SVIP: variants seen among roughly 807,000 people sequenced by gnomAD.
SVIP encodes small VCP interacting protein.
A neutral mutation model predicts 12.9 loss-of-function variants in SVIP; 14 were observed. The observed-to-expected ratio is 1.08, with a 90% CI of 0.72 to 1.70. The LOEUF (loss-of-function observed/expected upper bound fraction) is 1.70. SVIP is among the 40% of genes most tolerant of loss of function. SVIP has a pLI of 0.00. For missense variants in SVIP, 93 were observed against 90.8 expected (o/e 1.02, Z -0.10); for synonymous variants, 35 against 33.3 (o/e 1.05, Z -0.17).
intron 3 of SVIP, among the ~76,000 whole-genome samples, chr11:22,825,178 C>T (rs1857648620): frequency 6.6e-6 from 1 of 151,884 alleles, no homozygotes; most frequent in South Asian, 2.1e-4. Context: ...CCTAACCTTC[C>T]TACCTTAGGA....
intron 1 of SVIP, among the ~76,000 whole-genome samples, chr11:22,828,954 T>C (rs1857835506): frequency 6.6e-6 from 1 of 152,198 alleles, no homozygotes; most frequent in African/African-American, 2.4e-5. Flanking sequence ...TGTACATGTA[T>C]TGTACCACAC....
rs576060736 is a variant in SVIP, at chr11:22,829,603, C to G, written c.54+92G>C. 5.2e-6 allele frequency: 7 copies of G among 1,342,608 alleles called. No individual in the cohort carries two copies. The East Asian group carries it at 7.8e-5, about 15-fold the overall frequency. The allele number at this position is 1,342,608 out of a possible 1,614,324, so 83.2% of individuals were successfully genotyped here. On this transcript the variant is annotated intron_variant, in intron 1 of 3. Transcript: ENST00000354193. ...GGTCCCCCAGCGGGCTCTCGACCTG[C>G]GCCACCAGGTACAATGGCTCGGCCC...
At chr11:22,824,240 A>C (rs1253074141) in intron 3 of SVIP, among the ~76,000 whole-genome samples, 2 of 152,110 alleles carry the variant, frequency 1.3e-5, no homozygotes. Flanking sequence ...GAAACCATTA[A>C]AAAATGGTTT....
intron 1 of SVIP, 69 bp downstream of exon 1, chr11:22,829,626 C>A (rs2286811): frequency 1.4e-6 from 2 of 1,481,014 alleles, no homozygotes; most frequent in East Asian, 2.5e-5. Context: ...AATGGCTCGG[C>A]CCGCCCCGCA....
At chr11:22,829,441 G>C (rs976009627) in intron 1 of SVIP, 1 of 416,688 alleles carries the variant, frequency 2.4e-6, no homozygotes, top group South Asian at 4.6e-5. Flanking sequence ...AAAGTCAGTG[G>C]AAGGTAGAAA....
intron 3 of SVIP, among the ~76,000 whole-genome samples, chr11:22,824,593 C>T (rs993932904): frequency 6.6e-6 from 1 of 151,598 alleles, no homozygotes; most frequent in Admixed American, 6.6e-5. Context: ...CTTCATTGTA[C>T]AATTTCTTAG....
chr11:22,827,984 G>T (rs2134768926), intron 1 of SVIP, 110 bp from the exon 2 acceptor site: 1 of 752,696 alleles, frequency 1.3e-6, no homozygotes, highest in Non-Finnish European at 1.9e-6. Context: ...TTCGGTACTG[G>T]CCCTAAATGT....
rs1455663147 is a variant in SVIP, at chr11:22,822,708, T to G, written c.*411A>C. ...CCATAAGTTTAATCAAACATCTTCATAGTGAAATAAAAACAGATGTAACGC... is the reference window on the plus strand; with the variant it reads ...CCATAAGTTTAATCAAACATCTTCAGAGTGAAATAAAAACAGATGTAACGC... On this transcript the variant is annotated 3_prime_UTR_variant, in exon 4 of 4. Coordinates refer to ENST00000354193, the MANE Select transcript of SVIP (RefSeq NM_148893.3). 1.9e-5 allele frequency: 3 copies of G among 158,098 alleles called. No individual in the cohort carries two copies. Among genetic ancestry groups the G allele is most frequent in the Non-Finnish European group, 2.8e-5 (2 of 71,988 alleles). 9.8% of individuals were successfully genotyped at this position (158,098 alleles called of 1,614,324 possible).
intron 2 of SVIP, 59 bp downstream of exon 2, chr11:22,827,765 T>A: frequency 7.1e-7 from 1 of 1,399,380 alleles, no homozygotes; most frequent in African/African-American, 1.5e-5. Context: ...TGGACATCTA[T>A]GAAGAATAAA....
chr11:22,829,431 A>G (rs780447804), intron 1 of SVIP: 38 of 385,518 alleles, frequency 9.9e-5, no homozygotes, highest in African/African-American at 1.7e-4. Flanking sequence ...CGGCGCAGCT[A>G]AAGTCAGTGG....
In SVIP at chr11:22,819,381, G is replaced by C. The variant is rs1857409435; in HGVS notation, c.*3738C>G. 2 of 152,192 alleles carry C rather than the reference G, an allele frequency of 1.3e-5. No individual in the cohort carries two copies. 9.4% of individuals were successfully genotyped at this position (152,192 alleles called of 1,614,324 possible). Reference sequence around the variant, plus strand: ...TGTGCAAAACTAATTAGTTCCACTTGAGATAAGTTAGAGGTACTTGCAAAG... The same window carrying C: ...TGTGCAAAACTAATTAGTTCCACTTCAGATAAGTTAGAGGTACTTGCAAAG... On this transcript the variant is annotated 3_prime_UTR_variant, in exon 4 of 4. Coordinates refer to ENST00000354193, the MANE Select transcript of SVIP (RefSeq NM_148893.3).
At position 22,823,137 on chromosome 11, in the gene SVIP, G is replaced by A. The variant is rs560490666; in HGVS notation, c.220-4C>T. 7 of 1,589,156 alleles carry A rather than the reference G, an allele frequency of 4.4e-6. No homozygotes were observed. The highest frequency in any genetic ancestry group is 4.5e-5 in the East Asian group (2 of 44,448). ...TTATGCTTTATGAAACTGTCCACTA[G>A]AAAAGATAAAAAAGAGACAGAAAAG... On this transcript the variant is annotated splice_region_variant and splice_polypyrimidine_tract_variant and intron_variant, in intron 3 of 3. Transcript: ENST00000354193.
intron 3 of SVIP, among the ~76,000 whole-genome samples, chr11:22,824,484 A>ATG (rs1450401383): frequency 3.5e-5 from 5 of 141,174 alleles, no homozygotes; most frequent in African/African-American, 1.2e-4. Context: ...GTATATATAT[A>ATG]TGTATATATA....
chr11:22,827,211 A>T lies in SVIP; in HGVS notation c.215T>A (p.Leu72His), dbSNP rs1857744806. 6.2e-6 allele frequency: 10 copies of T among 1,606,210 alleles called. No homozygotes were observed. Among genetic ancestry groups the T allele is most frequent in the Non-Finnish European group, 8.5e-6 (10 of 1,176,060 alleles). The change falls in exon 3 of 4, where the codon CTT becomes CAT. Residue 72 changes from leucine to histidine, a missense_variant. Leu to His is a moderately conservative substitution (Grantham distance 99, BLOSUM62 -3). Transcript: ENST00000354193. Reference protein sequence around the residue: ...ATSGPPPEGGLRWTVS With the variant: ...ATSGPPPEGGHRWTVS ...TAAGAAAATTTTAATACTTACCCTA[A>T]GTCCACCTTCTGGTGGGGGCCCGGA... is the stretch of plus-strand genomic sequence containing the variant.
At position 22,822,387 on chromosome 11, in the gene SVIP, A is replaced by G. The variant is rs976958177; in HGVS notation, c.*732T>C. The G allele has an allele frequency of 2.0e-5, 3 of 152,282 alleles. No individual in the cohort carries two copies. The highest frequency in any genetic ancestry group is 6.5e-5 in the Admixed American group (1 of 15,300). The allele number at this position is 152,282 out of a possible 1,614,324, so 9.4% of individuals were successfully genotyped here. ...CCAGATTATTAGTTTAACTCATTCA[A>G]TTACTACAAAGATCCTTACAGAGCT... On this transcript the variant is annotated 3_prime_UTR_variant, in exon 4 of 4. Coordinates refer to ENST00000354193, the MANE Select transcript of SVIP (RefSeq NM_148893.3).
intron 3 of SVIP, among the ~76,000 whole-genome samples, chr11:22,825,663 T>C (rs1857671009): frequency 6.6e-6 from 1 of 152,192 alleles, no homozygotes; most frequent in Admixed American, 6.5e-5. Flanking sequence ...GCCTAAATTT[T>C]TTTTTTAATC....
At chr11:22,824,518 A>G (rs946904685) in intron 3 of SVIP, among the ~76,000 whole-genome samples, 1 of 149,354 alleles carries the variant, frequency 6.7e-6, no homozygotes, top group African/African-American at 2.4e-5. Context: ...ACACACATAT[A>G]TATATAAAAT....
At chr11:22,824,363 T>C (rs1590170230) in intron 3 of SVIP, among the ~76,000 whole-genome samples, 1 of 151,292 alleles carries the variant, frequency 6.6e-6, no homozygotes, top group Admixed American at 6.6e-5. Context: ...GAACCAGAGA[T>C]ATTTGGCAAT....
Position 22,820,026 on chromosome 11 carries a change from C to A in SVIP, c.*3093G>T, listed in dbSNP as rs1399383187. The A allele has an allele frequency of 6.6e-6, 1 of 152,140 alleles. No homozygotes were observed. The highest frequency in any genetic ancestry group is 1.5e-5 in the Non-Finnish European group (1 of 68,038). The allele number at this position is 152,140 out of a possible 1,614,324, so 9.4% of individuals were successfully genotyped here. On this transcript the variant is annotated 3_prime_UTR_variant, in exon 4 of 4. Transcript: ENST00000354193. ...TCAAAGTCTGTTATACATACAAATG[C>A]CTTGTGTCTGTAGCTTTTGAGAAAA...
Sources: allele counts gnomAD v4.1 joint callset (sites outside exome capture counted in the v4.1 genomes callset), GRCh38; gene constraint gnomAD v4.1.1; transcripts MANE v1.5; gene names NCBI Gene and HGNC (gene_info 2026-07-23, HGNC 2026-07-21).